Variants in BICRAL observed in about 807,000 individuals in gnomAD.
BICRAL encodes BICRA like chromatin remodeling complex associated protein, also known as BRD4-interacting chromatin-remodeling complex-associated protein-like.
Under a neutral mutation model 91.8 loss-of-function variants are expected in BICRAL, and 8 were observed. That is an observed-to-expected ratio of 0.09 (90% CI 0.05 to 0.16). The LOEUF is 0.16. Ranked by LOEUF, BICRAL falls within the 10% of genes least tolerant of loss-of-function variation. BICRAL has a pLI of 1.00. For missense variants in BICRAL, 1,038 were observed against 1,310.9 expected, an observed-to-expected ratio of 0.79 and a Z score of 3.21; for synonymous variants, 445 against 491.1, an observed-to-expected ratio of 0.91 and a Z score of 1.24.
chr6:42,798,218 G>T (rs1763465340), intron 1 of BICRAL, among the ~76,000 whole-genome samples: 1 of 151,988 alleles, frequency 6.6e-6, no homozygotes, highest in East Asian at 1.9e-4. Flanking sequence ...AGTGAGGGTT[G>T]AAAATTACCT....
chr6:42,863,366 A>ATC (rs1765616784), intron 12 of BICRAL, among the ~76,000 whole-genome samples: 1 of 150,332 alleles, frequency 6.7e-6, no homozygotes, highest in Non-Finnish European at 1.5e-5. Flanking sequence ...TTCTTTTGCC[A>ATC]TCCTCTGCCT....
chr6:42,753,472 A>G (rs1455917612), intron 1 of BICRAL, among the ~76,000 whole-genome samples: 4 of 152,170 alleles, frequency 2.6e-5, no homozygotes, highest in Non-Finnish European at 4.4e-5. Flanking sequence ...ACGGGAAAGC[A>G]TGAGTAGGAA....
At chr6:42,753,430 G>A (rs752743892) in intron 1 of BICRAL, among the ~76,000 whole-genome samples, 17 of 152,124 alleles carry the variant, frequency 1.1e-4, no homozygotes, top group Non-Finnish European at 1.9e-4. Flanking sequence ...TGTTGGGATG[G>A]TCATGGAAAG....
At chr6:42,811,354 G>T (rs1184538262) in intron 2 of BICRAL, among the ~76,000 whole-genome samples, 1 of 152,206 alleles carries the variant, frequency 6.6e-6, no homozygotes, top group African/African-American at 2.4e-5. Flanking sequence ...CGGGCACGGT[G>T]GCTCACGCCT....
At chr6:42,835,163 C>T (rs574930224) in intron 6 of BICRAL, among the ~76,000 whole-genome samples, 3 of 151,232 alleles carry the variant, frequency 2.0e-5, no homozygotes, top group South Asian at 4.2e-4. Context: ...GAGTCTCACT[C>T]TACTGCCCAG....
chr6:42,849,989 A>T (rs1183691142), intron 6 of BICRAL, among the ~76,000 whole-genome samples: 1 of 152,006 alleles, frequency 6.6e-6, no homozygotes, highest in Non-Finnish European at 1.5e-5. Flanking sequence ...GTGAGCCAAG[A>T]TCACACCAGT....
intron 1 of BICRAL, among the ~76,000 whole-genome samples, chr6:42,774,066 A>T (rs75303624): frequency 6.6e-6 from 1 of 152,276 alleles, no homozygotes; most frequent in East Asian, 1.9e-4. Context: ...CAGAGAGGAG[A>T]ACTAAGGCAA....
At chr6:42,790,179 A>G (rs1414096248) in intron 1 of BICRAL, among the ~76,000 whole-genome samples, 1 of 152,078 alleles carries the variant, frequency 6.6e-6, no homozygotes, top group Non-Finnish European at 1.5e-5. Context: ...TTTGTTTTTG[A>G]GACAGGTTCT....
chr6:42,786,792 C>G lies in BICRAL; in HGVS notation c.-102+4691C>G, dbSNP rs182425366. Among the ~76,000 whole-genome samples, 550 of 152,146 alleles carry G rather than the reference C, an allele frequency of 3.6e-3. 1 individual carries two copies. Among genetic ancestry groups the G allele is most frequent in the Non-Finnish European group, 6.8e-3 (464 of 67,996 alleles). On this transcript the variant is annotated intron_variant, in intron 1 of 12. Transcript: ENST00000314073. ...TGAAAAGCTGGGGAGACATTTCAGACCTGGGAACAAGTTCAAAGACCTGGA... is the reference window on the plus strand; with the variant it reads ...TGAAAAGCTGGGGAGACATTTCAGAGCTGGGAACAAGTTCAAAGACCTGGA...
chr6:42,770,747 G>T (rs538199962), intron 1 of BICRAL, among the ~76,000 whole-genome samples: 1 of 151,224 alleles, frequency 6.6e-6, no homozygotes, highest in East Asian at 2.0e-4. Context: ...CTGGAGTGCA[G>T]TGGCGCAATT....
At chr6:42,817,056 G>A (rs1034559523) in intron 2 of BICRAL, among the ~76,000 whole-genome samples, 7 of 151,010 alleles carry the variant, frequency 4.6e-5, no homozygotes, top group Middle Eastern at 3.2e-3. Context: ...CTGTTCCCCA[G>A]TCACCCTGTT....
At chr6:42,817,148 ATGTGTGTGTGTGTG>A (rs35347910) in intron 2 of BICRAL, among the ~76,000 whole-genome samples, 3 of 148,304 alleles carry the variant, frequency 2.0e-5, no homozygotes, top group African/African-American at 7.5e-5. Flanking sequence ...CATCATTTAT[ATGTGTGTGTGTGTG>A]TGTGTGTGTG....
intron 1 of BICRAL, among the ~76,000 whole-genome samples, chr6:42,758,221 C>T (rs893498643): frequency 2.0e-5 from 3 of 152,176 alleles, no homozygotes; most frequent in Non-Finnish European, 4.4e-5. Flanking sequence ...CCTTGGGCTT[C>T]CCTGAATCCC....
intron 1 of BICRAL, among the ~76,000 whole-genome samples, chr6:42,772,890 G>A (rs980033136): frequency 2.6e-5 from 4 of 152,096 alleles, no homozygotes; most frequent in South Asian, 2.1e-4. Flanking sequence ...CTTCACCTCC[G>A]CCCTGTGAAA....
At chr6:42,849,441 ATT>A (rs34512306) in intron 6 of BICRAL, among the ~76,000 whole-genome samples, 62 of 135,280 alleles carry the variant, frequency 4.6e-4, no homozygotes, top group African/African-American at 1.3e-3. Context: ...TTTAGAACAG[ATT>A]TTTTTTTTTT....
chr6:42,822,217 T>C (rs1764156952), intron 3 of BICRAL, among the ~76,000 whole-genome samples, 154 bp downstream of exon 3: 1 of 151,810 alleles, frequency 6.6e-6, no homozygotes, highest in South Asian at 2.1e-4. Flanking sequence ...ATGATTAACA[T>C]AGGGGTTGTA....
At chr6:42,862,831 G>C (rs1581642042) in intron 12 of BICRAL, among the ~76,000 whole-genome samples, 1 of 152,124 alleles carries the variant, frequency 6.6e-6, no homozygotes, top group East Asian at 1.9e-4. Context: ...CATCTTTTTA[G>C]ATTTCAAGGC....
At chr6:42,770,023 T>C (rs868353984) in intron 1 of BICRAL, among the ~76,000 whole-genome samples, 1 of 152,132 alleles carries the variant, frequency 6.6e-6, no homozygotes, top group South Asian at 2.1e-4. Flanking sequence ...GGCCTACGGA[T>C]CATCCACACC....
In BICRAL at chr6:42,857,637, T is replaced by TTTA. The variant is rs561619273; in HGVS notation, c.2254+403_2254+404insATT. 4.4e-3 allele frequency among the ~76,000 whole-genome samples: 412 copies of TTTA among 94,072 alleles called. 7 individuals are homozygous for TTTA. Among genetic ancestry groups the TTTA allele is most frequent in the African/African-American group, 0.026 (382 of 14,672 alleles). The allele number at this position is 94,072 out of a possible 152,430, so 61.7% of individuals were successfully genotyped here. A position where few individuals can be genotyped will look rare whatever the true frequency, so the allele number is the denominator to read the frequency against. ...AAAATATATATATATATATATATAT[T>TTTA]TTTTAGGAGGGTACCCTAATGTCAG... On this transcript the variant is annotated intron_variant, in intron 10 of 12. Coordinates refer to ENST00000314073, the MANE Select transcript of BICRAL (RefSeq NM_001393499.1).
Sources: allele counts gnomAD v4.1 joint callset (sites outside exome capture counted in the v4.1 genomes callset), GRCh38; gene constraint gnomAD v4.1.1; transcripts MANE v1.5; gene names NCBI Gene and HGNC (gene_info 2026-07-23, HGNC 2026-07-21).